Variants in MAPK10 observed in about 807,000 individuals in gnomAD.
MAPK10 encodes the protein JNK3 alpha protein kinase.
A neutral mutation model predicts 59.3 loss-of-function variants in MAPK10; 25 were observed. The ratio of observed to expected loss-of-function variants is 0.42; its 90% CI spans 0.31 to 0.59. The LOEUF (loss-of-function observed/expected upper bound fraction) is 0.59, where lower values mean the gene tolerates loss of function less well. Ranked by LOEUF, MAPK10 falls within the 20% of genes least tolerant of loss-of-function variation. MAPK10 has a pLI of 0.15. For synonymous variants in MAPK10, 190 were observed against 200.5 expected (o/e 0.95, Z 0.44); for missense variants, 351 against 568.9 (o/e 0.62, Z 3.90).
At chr4:86,344,617 T>G in intron 2 of MAPK10, among the ~76,000 whole-genome samples, 2 of 142,512 alleles carry the variant, frequency 1.4e-5, no homozygotes, top group African/African-American at 5.3e-5. Context: ...AGGGAAGAAG[T>G]GAGGGAGTGA....
At chr4:86,044,587 A>T (rs562373186) in intron 11 of MAPK10, 6 of 393,974 alleles carry the variant, frequency 1.5e-5, no homozygotes, top group African/African-American at 8.3e-5. Flanking sequence ...GTAGAATACA[A>T]TGATTTCTGG....
Position 86,551,490 on chromosome 4 carries a change from CAT to C in MAPK10, c.-263+42418_-263+42419del, listed in dbSNP as rs778519099. On this transcript the variant is annotated intron_variant, in intron 1 of 4. Coordinates refer to the MAPK10 transcript ENST00000502302. The stretch of plus-strand genomic sequence containing the variant: ...ATAAAGTATACTCTTCAAAGAATAA[CAT>C]GAGTTTACTTCCTTCCTTGTTTTCT... Among the ~76,000 whole-genome samples, 8 of 152,304 alleles carry C rather than the reference CAT, an allele frequency of 5.3e-5. No individual in the cohort carries two copies. In the South Asian group the frequency reaches 8.3e-4, roughly 16 times the overall value.
chr4:86,518,773 C>T (rs1194609818), intron 1 of MAPK10, among the ~76,000 whole-genome samples: 1 of 152,032 alleles, frequency 6.6e-6, no homozygotes, highest in African/African-American at 2.4e-5. Context: ...TTCCTCTTAG[C>T]ATCACTTTTT....
intron 1 of MAPK10, among the ~76,000 whole-genome samples, chr4:86,422,230 C>A (rs1235300972): frequency 6.6e-6 from 1 of 152,022 alleles, no homozygotes; most frequent in South Asian, 2.1e-4. Context: ...CTATGTTGCC[C>A]CTATCGACAA....
chr4:86,037,364 T>A (rs2040530365), intron 11 of MAPK10, among the ~76,000 whole-genome samples: 1 of 151,926 alleles, frequency 6.6e-6, no homozygotes, highest in Admixed American at 6.6e-5. Flanking sequence ...ACTAAAAGTA[T>A]AAAAAATTAG....
intron 2 of MAPK10, among the ~76,000 whole-genome samples, chr4:86,223,695 AAACT>A (rs949221724): frequency 6.6e-6 from 1 of 152,130 alleles, no homozygotes; most frequent in African/African-American, 2.4e-5. Context: ...ACATCTGGGC[AAACT>A]AATAAGAAAG....
intron 9 of MAPK10, among the ~76,000 whole-genome samples, chr4:86,092,230 T>C (rs116139811): frequency 0.055 from 8,339 of 152,166 alleles, 342 homozygotes; most frequent in Non-Finnish European, 0.081. Flanking sequence ...TCTTTATGGG[T>C]GATAATATCC....
At chr4:86,505,570 G>C (rs920393468) in intron 1 of MAPK10, among the ~76,000 whole-genome samples, 20 of 152,060 alleles carry the variant, frequency 1.3e-4, no homozygotes, top group African/African-American at 4.6e-4. Flanking sequence ...CTGGGCAACA[G>C]AGTGAGACCC....
chr4:86,424,962 G>A (rs1349896221), intron 1 of MAPK10, among the ~76,000 whole-genome samples: 6 of 152,154 alleles, frequency 3.9e-5, no homozygotes, highest in Non-Finnish European at 8.8e-5. Flanking sequence ...GATTTGAGGA[G>A]CATCTCAGTG....
chr4:86,295,940 C>A lies in MAPK10; in HGVS notation c.-7+58590G>T, dbSNP rs188249936. Among the ~76,000 whole-genome samples, 635 of 151,250 alleles carry A rather than the reference C, an allele frequency of 4.2e-3. 9 individuals carry two copies. The highest frequency in any genetic ancestry group is 0.015 in the African/African-American group (609 of 41,344). On this transcript the variant is annotated intron_variant, in intron 2 of 13. Coordinates refer to ENST00000641462, the MANE Select transcript of MAPK10 (RefSeq NM_138982.4). The stretch of plus-strand genomic sequence containing the variant: ...CCTGTAATCCCAGCACTTTGGGAGG[C>A]CAAAGCAAGCAGATCACCTGAGGTC...
At chr4:86,155,281 T>C (rs1222905985) in intron 4 of MAPK10, among the ~76,000 whole-genome samples, 1 of 152,030 alleles carries the variant, frequency 6.6e-6, no homozygotes, top group African/African-American at 2.4e-5. Context: ...ATAGTCTTGT[T>C]ACTGTAGACC....
At chr4:86,194,870 T>C (rs1479174419) in intron 2 of MAPK10, among the ~76,000 whole-genome samples, 2 of 151,980 alleles carry the variant, frequency 1.3e-5, no homozygotes, top group African/African-American at 4.8e-5. Context: ...CAGTAATAGA[T>C]AAATTTTTCA....
chr4:86,339,531 CCTAACAGT>C (rs1723624410), intron 2 of MAPK10, among the ~76,000 whole-genome samples: 1 of 152,164 alleles, frequency 6.6e-6, no homozygotes, highest in African/African-American at 2.4e-5. Context: ...CAGTCATTAG[CCTAACAGT>C]CTAATTTTCT....
chr4:86,202,668 A>C (rs1030058761), intron 2 of MAPK10, among the ~76,000 whole-genome samples: 1 of 151,896 alleles, frequency 6.6e-6, no homozygotes, highest in Non-Finnish European at 1.5e-5. Context: ...AATGCTACCC[A>C]GCAGTGACGT....
chr4:86,373,306 T>C (rs926442394), intron 1 of MAPK10, among the ~76,000 whole-genome samples: 1 of 151,808 alleles, frequency 6.6e-6, no homozygotes, highest in Non-Finnish European at 1.5e-5. Context: ...CATAAAAACC[T>C]TAGAAGAAAA....
At chr4:86,344,869 G>T (rs1213666346) in intron 2 of MAPK10, among the ~76,000 whole-genome samples, 1 of 152,112 alleles carries the variant, frequency 6.6e-6, no homozygotes, top group Non-Finnish European at 1.5e-5. Context: ...AATTTTAAAA[G>T]ATTTCTCTTA....
chr4:86,344,982 G>A (rs1020098585), intron 2 of MAPK10, among the ~76,000 whole-genome samples: 8 of 152,144 alleles, frequency 5.3e-5, no homozygotes, highest in Non-Finnish European at 7.4e-5. Flanking sequence ...GATATAGTCA[G>A]TTTGGCTGGC....
intron 2 of MAPK10, among the ~76,000 whole-genome samples, chr4:86,295,151 A>G (rs1278732769): frequency 6.6e-5 from 10 of 152,308 alleles, no homozygotes; most frequent in South Asian, 2.1e-4. Context: ...ACACAGCCCG[A>G]CACTCACATC....
At chr4:86,336,333 A>C (rs1038188313) in intron 2 of MAPK10, 1 of 152,190 alleles carries the variant, frequency 6.6e-6, no homozygotes, top group Non-Finnish European at 1.5e-5. Context: ...TTGAGACCTG[A>C]TCTTAAGCAG....
Sources: allele counts gnomAD v4.1 joint callset (sites outside exome capture counted in the v4.1 genomes callset), GRCh38; gene constraint gnomAD v4.1.1; transcripts MANE v1.5; gene names NCBI Gene and HGNC (gene_info 2026-07-23, HGNC 2026-07-21).